Variants in MBNL1 observed in about 807,000 individuals in gnomAD.
MBNL1 encodes muscleblind-like protein 1.
A neutral mutation model predicts 42.2 loss-of-function variants in MBNL1; 8 were observed. That is an observed-to-expected ratio of 0.19 (90% confidence interval 0.11 to 0.34). The LOEUF (loss-of-function observed/expected upper bound fraction) is 0.34, where lower values mean the gene tolerates loss of function less well. MBNL1 is among the 10% of genes least tolerant of loss of function. The pLI is 1.00. For missense variants in MBNL1, 309 were observed against 495.3 expected, an observed-to-expected ratio of 0.62 and a Z score of 3.57; for synonymous variants, 169 against 173.9, an observed-to-expected ratio of 0.97 and a Z score of 0.22.
At chr3:152,327,180 ATAT>A (rs2080931461) in intron 2 of MBNL1, among the ~76,000 whole-genome samples, 2 of 152,106 alleles carry the variant, frequency 1.3e-5, no homozygotes, top group East Asian at 1.9e-4. Context: ...TCCTATGGTA[ATAT>A]TATCAAAAAA....
intron 8 of MBNL1, chr3:152,458,033 T>G: frequency 1.1e-6 from 1 of 897,988 alleles, no homozygotes; most frequent in Non-Finnish European, 1.9e-6. Context: ...TGGAAATAGC[T>G]GATGCCACAA....
In MBNL1 at chr3:152,463,355, A is replaced by G. The variant is rs15169; in HGVS notation, c.*989A>G. ...AACATGTTATTCAAAAGGGATTGCC[A>G]TTTCTGAGACACAGTAACAAAAAAA... On this transcript the variant is annotated 3_prime_UTR_variant, in exon 10 of 10. Coordinates refer to ENST00000324210, the MANE Select transcript of MBNL1 (RefSeq NM_021038.5). 6.6e-6 allele frequency: 1 copy of G among 152,360 alleles called. No homozygotes were observed. The highest frequency in any genetic ancestry group is 2.1e-4 in the South Asian group (1 of 4,828). 9.4% of individuals were successfully genotyped at this position (152,360 alleles called of 1,614,324 possible). A position where few individuals can be genotyped will look rare whatever the true frequency, so the allele number is the denominator to read the frequency against.
At chr3:152,340,445 T>A in intron 2 of MBNL1, 1 of 1,490,614 alleles carries the variant, frequency 6.7e-7, no homozygotes, top group South Asian at 1.4e-5. Context: ...TTCCATTTTT[T>A]TTTTAAGTAA....
upstream of MBNL1, chr3:152,268,712 C>G (rs568744190): frequency 8.8e-6 from 4 of 454,258 alleles, no homozygotes; most frequent in African/African-American, 4.0e-5. Flanking sequence ...CCCGCTCTTG[C>G]GGGCTCTGTC....
intron 3 of MBNL1, among the ~76,000 whole-genome samples, chr3:152,427,517 G>A (rs1244015564): frequency 6.6e-6 from 1 of 152,030 alleles, no homozygotes; most frequent in Admixed American, 6.5e-5. Flanking sequence ...GCCTCACAAA[G>A]TGCTGGGATC....
intron 3 of MBNL1, among the ~76,000 whole-genome samples, chr3:152,418,199 T>C (rs1046265253): frequency 3.9e-5 from 6 of 152,216 alleles, no homozygotes; most frequent in Non-Finnish European, 7.3e-5. Context: ...AATGTTACCC[T>C]AAATTTAGAG....
chr3:152,330,240 A>G (rs1034863652), intron 2 of MBNL1, among the ~76,000 whole-genome samples: 1 of 152,118 alleles, frequency 6.6e-6, no homozygotes, highest in African/African-American at 2.4e-5. Flanking sequence ...TTACTTTCCC[A>G]AGTATCTGGG....
chr3:152,290,768 A>T (rs921041094), intron 1 of MBNL1, among the ~76,000 whole-genome samples: 1 of 152,266 alleles, frequency 6.6e-6, no homozygotes, highest in East Asian at 1.9e-4. Context: ...ATACTCATTT[A>T]AGTAAGCTTT....
chr3:152,273,532 T>C (rs2043129744), intron 1 of MBNL1, among the ~76,000 whole-genome samples: 1 of 152,226 alleles, frequency 6.6e-6, no homozygotes, highest in African/African-American at 2.4e-5. Context: ...TCTTGAAATA[T>C]TTGTGTTAGG....
At chr3:152,246,484 C>T (rs951844279) in intron 2 of MBNL1, among the ~76,000 whole-genome samples, 1 of 151,598 alleles carries the variant, frequency 6.6e-6, no homozygotes, top group Non-Finnish European at 1.5e-5. Context: ...AAAATGAGTG[C>T]TCATCTGAGT....
At position 152,415,251 on chromosome 3, in the gene MBNL1, A is replaced by G. The variant is rs749426826; in HGVS notation, c.345+140A>G. On this transcript the variant is annotated intron_variant, in intron 3 of 9. Coordinates refer to ENST00000324210, the MANE Select transcript of MBNL1 (RefSeq NM_021038.5). ...TTACCATTTTCTAGCAAAATTAAGT[A>G]TCAGTCAAATGCTGGAACAATTTAT... 5.0e-5 allele frequency: 36 copies of G among 725,560 alleles called. 1 individual carries two copies. The highest frequency in any genetic ancestry group is 4.3e-4 in the Admixed American group (11 of 25,628). The allele number at this position is 725,560 out of a possible 1,614,324, so 44.9% of individuals were successfully genotyped here.
chr3:152,311,448 A>G (rs2066418875), intron 2 of MBNL1, among the ~76,000 whole-genome samples: 1 of 152,232 alleles, frequency 6.6e-6, no homozygotes, highest in Admixed American at 6.5e-5. Context: ...TACTATATTA[A>G]GTTAAAATCC....
chr3:152,261,478 G>T (rs1287883363), intron 2 of MBNL1, among the ~76,000 whole-genome samples: 1 of 152,142 alleles, frequency 6.6e-6, no homozygotes, highest in African/African-American at 2.4e-5. Context: ...AGTTCATTAG[G>T]GTTAACAAGC....
chr3:152,288,602 T>C (rs1471575038), intron 1 of MBNL1, among the ~76,000 whole-genome samples: 1 of 152,086 alleles, frequency 6.6e-6, no homozygotes, highest in Non-Finnish European at 1.5e-5. Flanking sequence ...ACCTTACTCT[T>C]ATGACATAGT....
At position 152,315,864 on chromosome 3, in the gene MBNL1, ACACTCTCTCT is replaced by A. The variant is rs1302769810; in HGVS notation, c.174+15499_174+15508del. 4.9e-4 allele frequency among the ~76,000 whole-genome samples: 58 copies of A among 118,764 alleles called. No homozygotes were observed. In the South Asian group the frequency reaches 0.017, roughly 34 times the overall value. The allele number at this position is 118,764 out of a possible 152,430, so 77.9% of individuals were successfully genotyped here. A position where few individuals can be genotyped will look rare whatever the true frequency, so the allele number is the denominator to read the frequency against. Reference sequence around the variant, plus strand: ...CGTGTGAACACACACACACACACACACACTCTCTCTCTCTCTCTCTCTCACTCCTCTCTCT... The same window carrying A: ...CGTGTGAACACACACACACACACACACTCTCTCTCTCTCACTCCTCTCTCT... On this transcript the variant is annotated intron_variant, in intron 2 of 9. Coordinates refer to ENST00000324210, the MANE Select transcript of MBNL1 (RefSeq NM_021038.5).
At chr3:152,448,722 G>T (rs538340201) in intron 6 of MBNL1, among the ~76,000 whole-genome samples, 51 of 152,030 alleles carry the variant, frequency 3.4e-4, no homozygotes, top group African/African-American at 1.2e-3. Flanking sequence ...CAGTGTATTA[G>T]GTTCATAATG....
rs988797549 is a variant in MBNL1, at chr3:152,356,959, G to T, written c.174+56592G>T. ...TGTTACCATACTTATAATATCAAAT[G>T]TGGTGGGTCCTGTGGTAGAGAGGCA... On this transcript the variant is annotated intron_variant, in intron 2 of 9. Transcript: ENST00000324210. Among the ~76,000 whole-genome samples the T allele has an allele frequency of 4.6e-5, 7 of 151,998 alleles. No individual in the cohort carries two copies. In the East Asian group the frequency reaches 1.4e-3, roughly 29 times the overall value.
chr3:152,409,996 T>C (rs527506944), intron 2 of MBNL1, among the ~76,000 whole-genome samples: 1 of 152,298 alleles, frequency 6.6e-6, no homozygotes, highest in African/African-American at 2.4e-5. Context: ...AAAATAGCTT[T>C]CTCATATTTC....
At chr3:152,338,636 TCAAAGCAC>T (rs2092064811) in intron 2 of MBNL1, 1 of 985,242 alleles carries the variant, frequency 1.0e-6, no homozygotes, top group Non-Finnish European at 1.2e-6. Flanking sequence ...TCAGGAGTTT[TCAAAGCAC>T]CAAGAAACCT....
Sources: allele counts gnomAD v4.1 joint callset (sites outside exome capture counted in the v4.1 genomes callset), GRCh38; gene constraint gnomAD v4.1.1; transcripts MANE v1.5; gene names NCBI Gene and HGNC (gene_info 2026-07-23, HGNC 2026-07-21).